Variants in TSPAN5 observed in about 807,000 individuals in gnomAD.
TSPAN5 encodes the protein tetraspanin-5.
Under a neutral mutation model 37.1 loss-of-function variants are expected in TSPAN5, and 10 were observed. The ratio of observed to expected loss-of-function variants is 0.27; its 90% CI spans 0.17 to 0.46. TSPAN5 has a LOEUF of 0.46. TSPAN5 is among the 20% of genes least tolerant of loss of function. The pLI, the probability that TSPAN5 is intolerant of heterozygous loss-of-function variation, is 1.00. For missense variants in TSPAN5, 195 were observed against 326.6 expected (o/e 0.60, Z 3.11); for synonymous variants, 110 against 118.9 (o/e 0.93, Z 0.48).
chr4:98,566,418 G>T (rs1421501192), intron 1 of TSPAN5, among the ~76,000 whole-genome samples: 1 of 152,096 alleles, frequency 6.6e-6, no homozygotes, highest in Non-Finnish European at 1.5e-5. Flanking sequence ...ATCCATTAAT[G>T]AAAAGACCTT....
chr4:98,493,265 A>G (rs953760244), intron 2 of TSPAN5, among the ~76,000 whole-genome samples: 4 of 152,340 alleles, frequency 2.6e-5, no homozygotes, highest in African/African-American at 7.2e-5. Flanking sequence ...AAGTGCACAC[A>G]CAGAGCTTGG....
At chr4:98,604,077 A>C (rs1183117976) in intron 1 of TSPAN5, among the ~76,000 whole-genome samples, 1 of 151,920 alleles carries the variant, frequency 6.6e-6, no homozygotes, top group Non-Finnish European at 1.5e-5. Flanking sequence ...AGGCTGAACT[A>C]GCATGAAAAA....
chr4:98,546,289 A>C (rs2110148047), intron 1 of TSPAN5, among the ~76,000 whole-genome samples: 1 of 152,282 alleles, frequency 6.6e-6, no homozygotes, highest in African/African-American at 2.4e-5. Context: ...AAATACATAA[A>C]GTTGGTTCTG....
chr4:98,497,329 A>T (rs1473567163), intron 2 of TSPAN5, among the ~76,000 whole-genome samples: 1 of 151,568 alleles, frequency 6.6e-6, no homozygotes, highest in Non-Finnish European at 1.5e-5. Context: ...AAAAAAAAAA[A>T]AAAAAAGAAA....
rs1579061302 is a variant in TSPAN5 at position 98,658,398 on chromosome 4, C to T, written c.-172G>A. The T allele has an allele frequency of 3.1e-5, 12 of 392,072 alleles. 1 individual carries two copies. In the East Asian group the frequency reaches 5.1e-4, roughly 17 times the overall value. 24.3% of individuals were successfully genotyped at this position (392,072 alleles called of 1,614,324 possible). On this transcript the variant is annotated 5_prime_UTR_variant, in exon 1 of 8. Transcript: ENST00000305798. Reference sequence around the variant, plus strand: ...ACCGACCGGCGGAGAGCGGCTCCCGCACCTCCAGCCCCTCGCGCGCCGAGG... The same window carrying T: ...ACCGACCGGCGGAGAGCGGCTCCCGTACCTCCAGCCCCTCGCGCGCCGAGG...
In TSPAN5 at chr4:98,658,218, C is replaced by T; in HGVS notation, c.9G>A (p.Gly3=). The T allele has an allele frequency of 4.3e-6, 7 of 1,614,010 alleles. No homozygotes were observed. The highest frequency in any genetic ancestry group is 1.3e-5 in the African/African-American group (1 of 75,056). The change falls in exon 1 of 8, where the codon GGG becomes GGA. Residue 3 remains glycine (G), a synonymous_variant. Transcript: ENST00000305798. ...TGACTTCAGGACCCTTGTAGTGCTT[C>T]CCGGACATCCTCTGGGTTCATGAAG... MS[G]KHYKGPEVSC...
chr4:98,476,282 G>A lies in TSPAN5; in HGVS notation c.648C>T (p.Ile216=), dbSNP rs1203486941. The A allele has an allele frequency of 1.9e-6, 3 of 1,614,206 alleles. No individual in the cohort carries two copies. Among genetic ancestry groups the A allele is most frequent in the South Asian group, 1.1e-5 (1 of 91,086 alleles). ...QKPEVDQQIV[I]YTKGCVPQFE... The stretch of plus-strand genomic sequence containing the variant: ...ACTGGGGCACACAGCCTTTCGTGTA[G>A]ATTACAATCTGCTGGTCAACTTCCT... Residue 216 remains isoleucine (I), a synonymous_variant, in exon 7 of 8, where the codon ATC becomes ATT. Coordinates refer to ENST00000305798, the MANE Select transcript of TSPAN5 (RefSeq NM_005723.4).
chr4:98,605,243 T>A (rs540828695), intron 1 of TSPAN5, among the ~76,000 whole-genome samples: 22 of 152,196 alleles, frequency 1.4e-4, no homozygotes, highest in Non-Finnish European at 2.9e-4. Flanking sequence ...CATTTTAATA[T>A]AAACTTGAAG....
intron 1 of TSPAN5, among the ~76,000 whole-genome samples, chr4:98,513,186 G>A (rs1268797126): frequency 1.3e-5 from 2 of 152,124 alleles, no homozygotes; most frequent in Admixed American, 1.3e-4. Flanking sequence ...CACAGAGAAT[G>A]GGGGAAGTGG....
chr4:98,512,937 G>A (rs1005460423), intron 1 of TSPAN5, among the ~76,000 whole-genome samples: 8 of 152,286 alleles, frequency 5.3e-5, no homozygotes, highest in Middle Eastern at 3.4e-3. Flanking sequence ...ATTCCTAATG[G>A]TGCTACAAAG....
chr4:98,475,764 C>A (rs151026227), intron 7 of TSPAN5, among the ~76,000 whole-genome samples: 1 of 152,040 alleles, frequency 6.6e-6, no homozygotes, highest in Non-Finnish European at 1.5e-5. Flanking sequence ...CCGAGATGGG[C>A]GGATCACGAG....
intron 1 of TSPAN5, among the ~76,000 whole-genome samples, chr4:98,572,646 C>T (rs1755152139): frequency 6.6e-6 from 1 of 152,254 alleles, no homozygotes; most frequent in South Asian, 2.1e-4. Flanking sequence ...ATGGGGGAAC[C>T]CCTCAGCTAT....
intron 1 of TSPAN5, among the ~76,000 whole-genome samples, chr4:98,531,571 T>C (rs1052169290): frequency 1.3e-5 from 2 of 152,206 alleles, no homozygotes; most frequent in African/African-American, 4.8e-5. Flanking sequence ...ATCCTTTGGG[T>C]ATATACCCAG....
At chr4:98,507,407 C>T (rs1052299968) in intron 2 of TSPAN5, among the ~76,000 whole-genome samples, 28 of 152,160 alleles carry the variant, frequency 1.8e-4, no homozygotes, top group African/African-American at 5.8e-4. Context: ...ATAGGAACAT[C>T]GATCTTTGGC....
At chr4:98,628,879 G>A (rs1049470784) in intron 1 of TSPAN5, among the ~76,000 whole-genome samples, 2 of 152,148 alleles carry the variant, frequency 1.3e-5, no homozygotes, top group African/African-American at 4.8e-5. Flanking sequence ...TAATATTATG[G>A]ATAAATTACT....
At chr4:98,489,642 C>A (rs960679946) in intron 2 of TSPAN5, among the ~76,000 whole-genome samples, 2 of 152,216 alleles carry the variant, frequency 1.3e-5, no homozygotes, top group Non-Finnish European at 2.9e-5. Flanking sequence ...CCGGATCCGG[C>A]AGGGTATCCG....
chr4:98,487,151 A>T (rs1225208578), intron 2 of TSPAN5, among the ~76,000 whole-genome samples: 1 of 29,310 alleles, frequency 3.4e-5, no homozygotes, highest in Non-Finnish European at 6.7e-5. Context: ...GAAGGGAGGG[A>T]GGGGGGGATG....
At chr4:98,640,977 T>C (rs1756953242) in intron 1 of TSPAN5, among the ~76,000 whole-genome samples, 1 of 152,128 alleles carries the variant, frequency 6.6e-6, no homozygotes, top group African/African-American at 2.4e-5. Context: ...AAAGGAGTAG[T>C]TCAAAGTGAT....
chr4:98,584,893 C>A (rs1006432967), intron 1 of TSPAN5, among the ~76,000 whole-genome samples: 1 of 152,192 alleles, frequency 6.6e-6, no homozygotes, highest in Non-Finnish European at 1.5e-5. Flanking sequence ...TTCCTTCTAT[C>A]CACAACAAAT....
Sources: gnomAD v4.1 joint callset for allele counts (sites outside exome capture counted in the v4.1 genomes callset) on GRCh38, gnomAD v4.1.1 for gene constraint, MANE v1.5 for transcripts, NCBI Gene and HGNC (gene_info 2026-07-23, HGNC 2026-07-21) for gene names.